DUSP14: variants seen among roughly 807,000 people sequenced by gnomAD.
DUSP14 encodes the protein dual specificity phosphatase 14, also known as dual specificity protein phosphatase 14.
DUSP14 carries 5 observed loss-of-function variants against 13.2 expected under a neutral mutation model. The ratio of observed to expected loss-of-function variants is 0.38; its 90% CI spans 0.20 to 0.80. The LOEUF (loss-of-function observed/expected upper bound fraction) is 0.80. DUSP14 is among the 30% of genes least tolerant of loss of function. The pLI is 0.44. For missense variants in DUSP14, 185 were observed against 264.0 expected, an observed-to-expected ratio of 0.70 and a Z score of 2.07; for synonymous variants, 91 against 103.4, an observed-to-expected ratio of 0.88 and a Z score of 0.73.
At chr17:37,492,266 A>G (rs887098500) in intron 1 of DUSP14, among the ~76,000 whole-genome samples, 4 of 152,198 alleles carry the variant, frequency 2.6e-5, no homozygotes, top group Admixed American at 1.3e-4. Context: ...CTACTAGCCT[A>G]TTGTCTTGTC....
chr17:37,498,929 T>A (rs1172018757), intron 1 of DUSP14, among the ~76,000 whole-genome samples: 1 of 152,152 alleles, frequency 6.6e-6, no homozygotes, highest in Non-Finnish European at 1.5e-5. Context: ...CGTGTAGGAC[T>A]CCTTGGGAGC....
intron 1 of DUSP14, among the ~76,000 whole-genome samples, chr17:37,509,656 C>CCATT (rs1372071436): frequency 1.3e-5 from 2 of 151,716 alleles, no homozygotes; most frequent in Non-Finnish European, 2.9e-5. Flanking sequence ...ATATAAAAGT[C>CCATT]CATTGATAGA....
intron 1 of DUSP14, among the ~76,000 whole-genome samples, chr17:37,506,591 T>C (rs2054139531): frequency 6.6e-6 from 1 of 152,194 alleles, no homozygotes; most frequent in South Asian, 2.1e-4. Context: ...GGTCAAACTC[T>C]GCTACCCTAT....
At chr17:37,496,023 C>G (rs757245827) in intron 1 of DUSP14, among the ~76,000 whole-genome samples, 6 of 152,178 alleles carry the variant, frequency 3.9e-5, no homozygotes, top group Non-Finnish European at 7.3e-5. Context: ...ATACAAATTA[C>G]ATACAAATTT....
intron 1 of DUSP14, among the ~76,000 whole-genome samples, chr17:37,496,513 T>C (rs1303802478): frequency 6.6e-6 from 1 of 152,040 alleles, no homozygotes; most frequent in Non-Finnish European, 1.5e-5. Flanking sequence ...CCCAGCACTT[T>C]GGGAGGCTGA....
chr17:37,513,223 TG>T lies in DUSP14; in HGVS notation c.*358del, dbSNP rs2054209416. ...GAGGAGCTCAGTGCAAAAATCACTT[TG>T]GGGCCTCATTAACCCTTTAGAGACA... is the stretch of plus-strand genomic sequence containing the variant. On this transcript the variant is annotated 3_prime_UTR_variant, in exon 3 of 3. Coordinates refer to ENST00000617516, the MANE Select transcript of DUSP14 (RefSeq NM_007026.4). 4.1e-6 allele frequency: 1 copy of T among 245,182 alleles called. No homozygotes were observed. Among genetic ancestry groups the T allele is most frequent in the Non-Finnish European group, 8.5e-6 (1 of 118,248 alleles). 15.2% of individuals were successfully genotyped at this position (245,182 alleles called of 1,614,324 possible).
intron 1 of DUSP14, among the ~76,000 whole-genome samples, chr17:37,497,723 G>A (rs902417617): frequency 6.7e-6 from 1 of 149,906 alleles, no homozygotes; most frequent in African/African-American, 2.5e-5. Context: ...TTGTGCCACT[G>A]TGCTCCAGGA....
At chr17:37,511,937 ACTT>A (rs2054191221) in intron 2 of DUSP14, among the ~76,000 whole-genome samples, 3 of 16,438 alleles carry the variant, frequency 1.8e-4, no homozygotes, top group East Asian at 2.3e-3. Context: ...CCCCCACCCC[ACTT>A]TTTTTTTTTT....
chr17:37,504,351 G>A (rs1010964546), intron 1 of DUSP14, among the ~76,000 whole-genome samples: 1 of 152,166 alleles, frequency 6.6e-6, no homozygotes, highest in Non-Finnish European at 1.5e-5. Context: ...ACTATCTGTG[G>A]CTGAACCGGA....
chr17:37,495,105 C>A (rs2054054874), intron 1 of DUSP14, among the ~76,000 whole-genome samples: 2 of 152,120 alleles, frequency 1.3e-5, no homozygotes, highest in Non-Finnish European at 2.9e-5. Context: ...GGGAGGAGCC[C>A]TGTCGTGTTC....
rs535834115 is a variant in DUSP14 at position 37,510,850 on chromosome 17, G to T, written c.-93+86G>T. On this transcript the variant is annotated intron_variant, in intron 2 of 2. Coordinates refer to ENST00000617516, the MANE Select transcript of DUSP14 (RefSeq NM_007026.4). ...ACTGCAGGCTTCCCGACGATCCCCT[G>T]GGTGTGTGTGGGCAGGCGCACTTGC... is the stretch of plus-strand genomic sequence containing the variant. 4 of 152,142 alleles carry T rather than the reference G, an allele frequency of 2.6e-5. No homozygotes were observed. The South Asian group carries it at 8.3e-4, about 32-fold the overall frequency. The allele number at this position is 152,142 out of a possible 1,614,324, so 9.4% of individuals were successfully genotyped here.
Position 37,512,875 on chromosome 17 carries a change from C to T in DUSP14, c.*6C>T, listed in dbSNP as rs2054201828. 6.3e-7 allele frequency: 1 copy of T among 1,590,936 alleles called. No homozygotes were observed. The highest frequency in any genetic ancestry group is 8.6e-7 in the Non-Finnish European group (1 of 1,162,630). On this transcript the variant is annotated 3_prime_UTR_variant, in exon 3 of 3. Transcript: ENST00000617516. This position sits in a 1 kb window ranked among gnomAD's most constrained non-coding sequence, Gnocchi z 4.8. ...TGCCTTACTGGGGGATTTAGTGCCA[C>T]TGAAGCCTGCGTCAGCAGCCCGAGC...
intron 1 of DUSP14, among the ~76,000 whole-genome samples, chr17:37,505,116 T>C (rs1161991591): frequency 6.6e-6 from 1 of 152,160 alleles, no homozygotes; most frequent in African/African-American, 2.4e-5. Flanking sequence ...GTTTTTTGAG[T>C]TTTGGGGTAG....
At chr17:37,501,601 C>T (rs2054105802) in intron 1 of DUSP14, among the ~76,000 whole-genome samples, 1 of 151,992 alleles carries the variant, frequency 6.6e-6, no homozygotes, top group Non-Finnish European at 1.5e-5. Flanking sequence ...CTGCAACCTC[C>T]ACCTCCTGGG....
rs2054160305 is a variant in DUSP14 at position 37,509,159 on chromosome 17, A to C, written c.-180-1518A>C. On this transcript the variant is annotated intron_variant, in intron 1 of 2. Transcript: ENST00000617516. ...CACACACACACACACACACACACAC[A>C]CACACACACTCTATATATATATGTA... Among the ~76,000 whole-genome samples the C allele has an allele frequency of 2.5e-5, 2 of 79,574 alleles. 1 individual carries two copies. Among genetic ancestry groups the C allele is most frequent in the Non-Finnish European group, 4.7e-5 (2 of 42,942 alleles). The allele number at this position is 79,574 out of a possible 152,430, so 52.2% of individuals were successfully genotyped here.
Position 37,495,728 on chromosome 17 carries a change from C to T in DUSP14, c.-181+5770C>T, listed in dbSNP as rs1027783399. Among the ~76,000 whole-genome samples the T allele has an allele frequency of 1.1e-4, 16 of 151,904 alleles. No homozygotes were observed. The East Asian group carries it at 1.2e-3, about 11-fold the overall frequency. ...AGGCTGGAGTGCAGTGGCGCGATCTCGGCTCACTGCAACCTCCGCTTCCCA... is the reference window on the plus strand; with the variant it reads ...AGGCTGGAGTGCAGTGGCGCGATCTTGGCTCACTGCAACCTCCGCTTCCCA... On this transcript the variant is annotated intron_variant, in intron 1 of 2. Transcript: ENST00000617516.
In DUSP14 at chr17:37,512,192, T is replaced by C; in HGVS notation, c.-81T>C. On this transcript the variant is annotated 5_prime_UTR_variant, in exon 3 of 3. Coordinates refer to ENST00000617516, the MANE Select transcript of DUSP14 (RefSeq NM_007026.4). This position sits in a 1 kb window ranked among gnomAD's most constrained non-coding sequence, Gnocchi z 4.8. ...CCTGTATTTTGCAGGAAGGAGACTC[T>C]AATTTTGGATTCCTTGGTGGAGGAA... The C allele has an allele frequency of 8.2e-7, 1 of 1,217,114 alleles. No individual in the cohort carries two copies. Among genetic ancestry groups the C allele is most frequent in the South Asian group, 1.4e-5 (1 of 69,062 alleles). The allele number at this position is 1,217,114 out of a possible 1,614,324, so 75.4% of individuals were successfully genotyped here.
At position 37,512,718 on chromosome 17, in the gene DUSP14, G is replaced by C. The variant is rs1391523190; in HGVS notation, c.446G>C (p.Arg149Thr). Residue 149 changes from arginine (R) to threonine (T), a missense_variant, in exon 3 of 3, where the codon AGG becomes ACG. Physicochemically the swap from Arg to Thr is moderately conservative, Grantham distance 71. Transcript: ENST00000617516. The surrounding 1 kb of genome is among the most constrained non-coding windows in gnomAD (Gnocchi z 4.8). ...GTGAAAGCCCGGCGACCTGTCATCA[G>C]GCCCAACGTAGGCTTCTGGAGGCAA... is the stretch of plus-strand genomic sequence containing the variant. ...NWVKARRPVI[R>T]PNVGFWRQLI... 1 of 1,613,928 alleles carries C rather than the reference G, an allele frequency of 6.2e-7. No homozygotes were observed. Among genetic ancestry groups the C allele is most frequent in the African/African-American group, 1.3e-5 (1 of 74,948 alleles).
At chr17:37,497,586 A>G (rs1012102077) in intron 1 of DUSP14, among the ~76,000 whole-genome samples, 1 of 151,592 alleles carries the variant, frequency 6.6e-6, no homozygotes, top group Non-Finnish European at 1.5e-5. Context: ...ACATGGCAAA[A>G]CCCTGTCTCT....
Sources: allele counts gnomAD v4.1 joint callset (sites outside exome capture counted in the v4.1 genomes callset), GRCh38; gene constraint gnomAD v4.1.1; non-coding constraint Gnocchi (gnomAD v3.1); transcripts MANE v1.5; gene names NCBI Gene and HGNC (gene_info 2026-07-23, HGNC 2026-07-21).